LRRTM3: variants seen among roughly 807,000 people sequenced by gnomAD.
LRRTM3 encodes leucine rich repeat transmembrane neuronal 3.
LRRTM3 carries 24 observed loss-of-function variants against 44.7 expected under a neutral mutation model. The ratio of observed to expected loss-of-function variants is 0.54; its 90% CI spans 0.39 to 0.76. The LOEUF (loss-of-function observed/expected upper bound fraction) is 0.76, where lower values mean the gene tolerates loss of function less well. Among genes scored for constraint, LRRTM3 ranks in the 30% least tolerant of loss-of-function variants. The pLI, the probability that LRRTM3 is intolerant of heterozygous loss-of-function variation, is 0.00. For missense variants in LRRTM3, 587 were observed against 702.2 expected, an observed-to-expected ratio of 0.84 and a Z score of 1.85; for synonymous variants, 277 against 278.7, an observed-to-expected ratio of 0.99 and a Z score of 0.06.
At chr10:67,042,575 G>A (rs1466577936) in intron 2 of LRRTM3, among the ~76,000 whole-genome samples, 1 of 151,998 alleles carries the variant, frequency 6.6e-6, no homozygotes, top group Non-Finnish European at 1.5e-5. Context: ...TAAGAAAAGG[G>A]CTTGATGAAA....
At position 66,935,389 on chromosome 10, in the gene LRRTM3, G is replaced by C. The variant is rs566756687; in HGVS notation, c.1536+6937G>C. Reference sequence around the variant, plus strand: ...CTCTCCAAGAAGTTTAAAATTCAGCGCTTTGAGATTAGTGTTGGCATGTAC... The same window carrying C: ...CTCTCCAAGAAGTTTAAAATTCAGCCCTTTGAGATTAGTGTTGGCATGTAC... On this transcript the variant is annotated intron_variant, in intron 2 of 2. Transcript: ENST00000361320. 5.9e-3 allele frequency among the ~76,000 whole-genome samples: 893 copies of C among 152,158 alleles called. 11 individuals are homozygous for C. The highest frequency in any genetic ancestry group is 0.027 in the Middle Eastern group (8 of 294).
intron 2 of LRRTM3, among the ~76,000 whole-genome samples, chr10:67,086,990 A>C (rs1227156673): frequency 2.0e-5 from 3 of 152,022 alleles, no homozygotes; most frequent in African/African-American, 7.2e-5. Context: ...TTTCATACTG[A>C]TTAGCAACTG....
Position 67,065,026 on chromosome 10 carries a change from A to G in LRRTM3, c.1537-32561A>G, listed in dbSNP as rs138715188. 5.1e-3 allele frequency among the ~76,000 whole-genome samples: 775 copies of G among 152,268 alleles called. 5 individuals carry two copies. Among genetic ancestry groups the G allele is most frequent in the African/African-American group, 0.018 (733 of 41,546 alleles). On this transcript the variant is annotated intron_variant, in intron 2 of 2. Transcript: ENST00000361320. ...CAGCTTCCATATACCACCAACACTT[A>G]TGGTCCTACATAGCAAGTCCCATAA...
intron 2 of LRRTM3, among the ~76,000 whole-genome samples, chr10:67,036,204 G>C (rs753941325): frequency 2.0e-5 from 3 of 151,352 alleles, no homozygotes; most frequent in Non-Finnish European, 2.9e-5. Context: ...TCAGGCTGGA[G>C]TACAGTGGCA....
chr10:66,930,137 T>C (rs1847295087), intron 2 of LRRTM3, among the ~76,000 whole-genome samples: 1 of 152,174 alleles, frequency 6.6e-6, no homozygotes, highest in Non-Finnish European at 1.5e-5. Flanking sequence ...ATTTTAAGGA[T>C]GCCAGATCAT....
chr10:66,962,144 T>C (rs1302813042), intron 2 of LRRTM3, among the ~76,000 whole-genome samples: 1 of 152,130 alleles, frequency 6.6e-6, no homozygotes. Context: ...TAGCAGTCAC[T>C]TTCCTGTTCA....
intron 2 of LRRTM3, among the ~76,000 whole-genome samples, chr10:66,966,003 T>C (rs545808281): frequency 1.9e-3 from 282 of 152,296 alleles, no homozygotes; most frequent in African/African-American, 6.2e-3. Flanking sequence ...AGGCAGTGTA[T>C]AGAACTGTAG....
At chr10:67,059,427 G>A (rs1339321821) in intron 2 of LRRTM3, among the ~76,000 whole-genome samples, 1 of 152,070 alleles carries the variant, frequency 6.6e-6, no homozygotes, top group African/African-American at 2.4e-5. Context: ...AAAATTGGAG[G>A]GGTATTTGGG....
chr10:67,034,610 T>A (rs1481243336), intron 2 of LRRTM3, among the ~76,000 whole-genome samples: 1 of 152,208 alleles, frequency 6.6e-6, no homozygotes, highest in East Asian at 1.9e-4. Flanking sequence ...TCTTTACTAA[T>A]AACCTACAAA....
rs1848144383 is a variant in LRRTM3 at position 66,943,766 on chromosome 10, A to G, written c.1536+15314A>G. 3.9e-5 allele frequency among the ~76,000 whole-genome samples: 6 copies of G among 152,218 alleles called. No individual in the cohort carries two copies. The South Asian group carries it at 1.2e-3, about 31-fold the overall frequency. On this transcript the variant is annotated intron_variant, in intron 2 of 2. Coordinates refer to ENST00000361320, the MANE Select transcript of LRRTM3 (RefSeq NM_178011.5). ...ACCCCACCATAAAGTGCATATCGCA[A>G]TAAAATGAGTCACACAAATTTTTTG...
chr10:67,062,098 TTA>T (rs879524685), intron 2 of LRRTM3, among the ~76,000 whole-genome samples: 13 of 152,094 alleles, frequency 8.5e-5, no homozygotes, highest in African/African-American at 3.1e-4. Flanking sequence ...ATGAACCACT[TTA>T]TATATATATA....
chr10:66,936,372 A>T (rs1269767806), intron 2 of LRRTM3, among the ~76,000 whole-genome samples: 1 of 152,066 alleles, frequency 6.6e-6, no homozygotes, highest in African/African-American at 2.4e-5. Context: ...CTTGAAAGCT[A>T]ATTTACCCTC....
chr10:66,938,635 T>C (rs1177919699), intron 2 of LRRTM3, among the ~76,000 whole-genome samples: 1 of 152,144 alleles, frequency 6.6e-6, no homozygotes, highest in African/African-American at 2.4e-5. Context: ...AGTAGACTCA[T>C]GCAGCTCAAA....
chr10:67,067,823 A>T (rs10822969), intron 2 of LRRTM3, among the ~76,000 whole-genome samples: 20,560 of 152,236 alleles, frequency 0.14, 1,830 homozygotes, highest in African/African-American at 0.26. Context: ...TAAATAAGAC[A>T]TACTCTCAGT....
intron 2 of LRRTM3, among the ~76,000 whole-genome samples, chr10:67,060,801 T>C (rs1855713524): frequency 6.6e-6 from 1 of 152,154 alleles, no homozygotes; most frequent in African/African-American, 2.4e-5. Flanking sequence ...ACTAGGTGTG[T>C]CTCCCAGTAC....
At chr10:66,968,104 C>A (rs1182013658) in intron 2 of LRRTM3, among the ~76,000 whole-genome samples, 1 of 151,988 alleles carries the variant, frequency 6.6e-6, no homozygotes, top group East Asian at 1.9e-4. Flanking sequence ...GCCTGAAAAA[C>A]CCAATCTGTT....
At chr10:67,086,556 G>C (rs2394344) in intron 2 of LRRTM3, among the ~76,000 whole-genome samples, 83,354 of 151,716 alleles carry the variant, frequency 0.55, 24,100 homozygotes, top group African/African-American at 0.74. Context: ...ATTTTTAGAT[G>C]AGGCATGTCA....
intron 2 of LRRTM3, among the ~76,000 whole-genome samples, chr10:66,934,469 A>G (rs1847581671): frequency 6.6e-6 from 1 of 152,176 alleles, no homozygotes; most frequent in South Asian, 2.1e-4. Context: ...ACACACTTGC[A>G]TTAAATATTA....
chr10:66,955,860 C>T (rs1848761900), intron 2 of LRRTM3, among the ~76,000 whole-genome samples: 1 of 152,136 alleles, frequency 6.6e-6, no homozygotes, highest in African/African-American at 2.4e-5. Context: ...TTGTGTCTCA[C>T]CTTCATCACC....
Sources: allele counts gnomAD v4.1 joint callset (sites outside exome capture counted in the v4.1 genomes callset), GRCh38; gene constraint gnomAD v4.1.1; transcripts MANE v1.5; gene names NCBI Gene and HGNC (gene_info 2026-07-23, HGNC 2026-07-21).